COBL: variants seen among roughly 807,000 people sequenced by gnomAD.
COBL encodes the protein cordon-bleu WH2 repeat protein.
COBL carries 51 observed loss-of-function variants against 98.8 expected under a neutral mutation model. That is an observed-to-expected ratio of 0.52 (90% confidence interval 0.41 to 0.65). COBL has a LOEUF of 0.65. COBL is among the 30% of genes least tolerant of loss of function. COBL has a pLI of 0.00. For missense variants in COBL, 1,617 were observed against 1,617.5 expected, an observed-to-expected ratio of 1.00 and a Z score of 0.01; for synonymous variants, 634 against 651.7, an observed-to-expected ratio of 0.97 and a Z score of 0.41.
At chr7:51,187,884 C>T (rs537569970) in intron 4 of COBL, 13 of 1,230,758 alleles carry the variant, frequency 1.1e-5, no homozygotes, top group African/African-American at 1.6e-5. Context: ...AGCCTCACAG[C>T]GGGAGCGGGA....
chr7:51,104,743 C>T (rs1251602391), intron 6 of COBL, among the ~76,000 whole-genome samples: 2 of 152,144 alleles, frequency 1.3e-5, no homozygotes, highest in African/African-American at 4.8e-5. Context: ...GGTCTCACTC[C>T]TGTAGGGCAC....
intron 6 of COBL, among the ~76,000 whole-genome samples, chr7:51,106,147 T>C (rs1485679595): frequency 1.4e-5 from 2 of 138,760 alleles, no homozygotes; most frequent in Non-Finnish European, 3.0e-5. Flanking sequence ...GAGGTTGCAG[T>C]GAGCCGAGAT....
chr7:51,285,201 T>A (rs1005539351), intron 1 of COBL, among the ~76,000 whole-genome samples: 2 of 152,096 alleles, frequency 1.3e-5, no homozygotes, highest in Non-Finnish European at 2.9e-5. Context: ...CGCCTCAGCC[T>A]CCTAAAGTGC....
At chr7:51,135,231 G>C (rs565041165) in intron 6 of COBL, among the ~76,000 whole-genome samples, 4 of 152,156 alleles carry the variant, frequency 2.6e-5, no homozygotes. Context: ...CCAAAGCGCC[G>C]GGATTACAGG....
At chr7:51,041,478 C>CTTTTTTTT (rs773830122) in intron 8 of COBL, among the ~76,000 whole-genome samples, 13 of 80,038 alleles carry the variant, frequency 1.6e-4, no homozygotes, top group Non-Finnish European at 2.2e-4. Flanking sequence ...TATTTCTTTC[C>CTTTTTTTT]TTTTTTTTTT....
chr7:51,140,386 C>T (rs929934809), intron 5 of COBL, among the ~76,000 whole-genome samples: 1 of 152,020 alleles, frequency 6.6e-6, no homozygotes, highest in Non-Finnish European at 1.5e-5. Context: ...CTCTCATACG[C>T]GCATCTGGGG....
At chr7:51,281,827 T>C (rs1158308133) in intron 1 of COBL, among the ~76,000 whole-genome samples, 4 of 152,132 alleles carry the variant, frequency 2.6e-5, no homozygotes, top group African/African-American at 7.2e-5. Flanking sequence ...GAAAGAAAAC[T>C]TGGAACATGA....
chr7:51,313,553 A>G (rs183959245), intron 1 of COBL, among the ~76,000 whole-genome samples: 2 of 152,290 alleles, frequency 1.3e-5, no homozygotes, highest in Admixed American at 1.3e-4. Flanking sequence ...GCTTGAATAC[A>G]GCCATTGATC....
intron 12 of COBL, 146 bp downstream of exon 12, chr7:51,024,963 A>T: frequency 9.1e-7 from 1 of 1,093,890 alleles, no homozygotes. Context: ...AGCACATGTG[A>T]GAGACACAGT....
At chr7:51,288,328 G>A (rs1200162932) in intron 1 of COBL, among the ~76,000 whole-genome samples, 2 of 151,364 alleles carry the variant, frequency 1.3e-5, no homozygotes, top group African/African-American at 4.9e-5. Context: ...CAGCTATTTG[G>A]GAGGCTGAAA....
At chr7:51,168,712 T>C (rs987712332) in intron 5 of COBL, among the ~76,000 whole-genome samples, 3 of 152,166 alleles carry the variant, frequency 2.0e-5, no homozygotes, top group Admixed American at 2.0e-4. Flanking sequence ...TGTTTGGTGG[T>C]TCCTCAAAAA....
chr7:51,092,245 T>C (rs554655394), intron 6 of COBL, among the ~76,000 whole-genome samples: 35 of 152,254 alleles, frequency 2.3e-4, no homozygotes, highest in African/African-American at 7.7e-4. Context: ...CGTGGAAAAA[T>C]TGTCTTCCAC....
intron 6 of COBL, among the ~76,000 whole-genome samples, chr7:51,129,616 C>G (rs1375875360): frequency 6.6e-6 from 1 of 152,056 alleles, no homozygotes; most frequent in African/African-American, 2.4e-5. Flanking sequence ...TGAGCTTAGT[C>G]TGGCAGGGTC....
chr7:51,216,982 C>T (rs1047316721), intron 2 of COBL, among the ~76,000 whole-genome samples: 1 of 152,238 alleles, frequency 6.6e-6, no homozygotes, highest in African/African-American at 2.4e-5. Flanking sequence ...CAAGGAGCTA[C>T]TGCATCCGCA....
intron 6 of COBL, among the ~76,000 whole-genome samples, chr7:51,105,593 AC>A (rs1458971742): frequency 3.9e-5 from 6 of 152,018 alleles, no homozygotes; most frequent in African/African-American, 1.2e-4. Context: ...TACTAAAAAT[AC>A]AAACAAATTA....
intron 1 of COBL, among the ~76,000 whole-genome samples, chr7:51,288,618 T>C (rs937785718): frequency 1.3e-5 from 2 of 150,224 alleles, no homozygotes; most frequent in African/African-American, 2.5e-5. Flanking sequence ...CCAGGCATGG[T>C]TGGGGGGTGC....
intron 6 of COBL, among the ~76,000 whole-genome samples, chr7:51,104,742 C>T (rs1006030628): frequency 2.6e-5 from 4 of 152,144 alleles, no homozygotes; most frequent in Admixed American, 1.3e-4. Context: ...TGGTCTCACT[C>T]CTGTAGGGCA....
intron 3 of COBL, among the ~76,000 whole-genome samples, chr7:51,192,125 A>G (rs980652055): frequency 5.9e-5 from 9 of 152,206 alleles, no homozygotes; most frequent in African/African-American, 1.4e-4. Flanking sequence ...AATAAGGGGA[A>G]ATCTCTGGTC....
At chr7:51,083,348 A>G in intron 7 of COBL, 2 of 666,978 alleles carry the variant, frequency 3.0e-6, no homozygotes, top group East Asian at 2.9e-5. Flanking sequence ...ATCCAGCCAC[A>G]CCTAACACCA....
Sources: gnomAD v4.1 joint callset for allele counts (sites outside exome capture counted in the v4.1 genomes callset) on GRCh38, gnomAD v4.1.1 for gene constraint, MANE v1.5 for transcripts, NCBI Gene and HGNC (gene_info 2026-07-23, HGNC 2026-07-21) for gene names.